NALF1: variants seen among roughly 807,000 people sequenced by gnomAD.
NALF1 encodes family with sequence similarity 155 member A.
In NALF1, 3 loss-of-function variants were observed where a neutral mutation model predicts 48.4. The observed-to-expected ratio is 0.06, with a 90% CI of 0.03 to 0.16. The LOEUF (loss-of-function observed/expected upper bound fraction) is 0.16. Among genes scored for constraint, NALF1 ranks in the 10% least tolerant of loss-of-function variants. NALF1 has a pLI of 1.00. For synonymous variants in NALF1, 262 were observed against 245.7 expected, an observed-to-expected ratio of 1.07 and a Z score of -0.62; for missense variants, 526 against 571.5, an observed-to-expected ratio of 0.92 and a Z score of 0.81.
intron 1 of NALF1, among the ~76,000 whole-genome samples, chr13:107,666,288 TG>T (rs1880856249): frequency 6.6e-6 from 1 of 152,138 alleles, no homozygotes; most frequent in Non-Finnish European, 1.5e-5. Context: ...CCATGATCTT[TG>T]TTCTTATTGG....
At chr13:107,783,068 G>A (rs1428114633) in intron 1 of NALF1, among the ~76,000 whole-genome samples, 1 of 144,620 alleles carries the variant, frequency 6.9e-6, no homozygotes, top group East Asian at 2.1e-4. Context: ...GGAGGTGGGG[G>A]GGTCAGCCCC....
At chr13:107,686,273 T>C (rs1313633650) in intron 1 of NALF1, among the ~76,000 whole-genome samples, 1 of 152,224 alleles carries the variant, frequency 6.6e-6, no homozygotes, top group African/African-American at 2.4e-5. Context: ...AGCGCCCACC[T>C]GGTAGGAAGT....
intron 1 of NALF1, among the ~76,000 whole-genome samples, chr13:107,374,815 C>T (rs1353893666): frequency 6.6e-6 from 1 of 152,114 alleles, no homozygotes; most frequent in African/African-American, 2.4e-5. Flanking sequence ...CTCTCTCTCC[C>T]ATGTTATGCT....
At chr13:107,571,996 TC>T (rs956548004) in intron 1 of NALF1, among the ~76,000 whole-genome samples, 4 of 152,198 alleles carry the variant, frequency 2.6e-5, no homozygotes, top group African/African-American at 9.6e-5. Context: ...CAAAGTATTC[TC>T]AATGCTTCTA....
chr13:107,504,250 CAAAAA>C (rs769667553), intron 1 of NALF1, among the ~76,000 whole-genome samples: 2 of 71,702 alleles, frequency 2.8e-5, no homozygotes, highest in Admixed American at 1.7e-4. Flanking sequence ...GGCCCTATCT[CAAAAA>C]AAAAAAAAAA....
chr13:107,844,093 T>G (rs1220114352), intron 1 of NALF1, among the ~76,000 whole-genome samples: 1 of 152,152 alleles, frequency 6.6e-6, no homozygotes. Context: ...TTACCCAATC[T>G]CTAAAGAAAC....
intron 1 of NALF1, among the ~76,000 whole-genome samples, chr13:107,240,865 T>C (rs1880452155): frequency 6.6e-6 from 1 of 151,904 alleles, no homozygotes; most frequent in Admixed American, 6.6e-5. Flanking sequence ...AGTAAAGGTA[T>C]TTTAAGTACA....
intron 1 of NALF1, among the ~76,000 whole-genome samples, chr13:107,275,675 C>T (rs529285994): frequency 7.9e-5 from 12 of 152,270 alleles, no homozygotes; most frequent in African/African-American, 2.9e-4. Context: ...ATTCAAATGT[C>T]AGATACATAA....
chr13:107,538,320 G>A (rs1048732819), intron 1 of NALF1, among the ~76,000 whole-genome samples: 11 of 151,966 alleles, frequency 7.2e-5, no homozygotes, highest in East Asian at 1.9e-4. Context: ...TTCATGGATC[G>A]GTAATCCTTG....
At chr13:107,560,483 T>C (rs1471442922) in intron 1 of NALF1, among the ~76,000 whole-genome samples, 2 of 152,222 alleles carry the variant, frequency 1.3e-5, no homozygotes, top group African/African-American at 4.8e-5. Context: ...ATATATTTTA[T>C]GGTTTCTTTC....
chr13:107,791,796 C>T (rs1878246742), intron 1 of NALF1, among the ~76,000 whole-genome samples: 1 of 151,034 alleles, frequency 6.6e-6, no homozygotes, highest in African/African-American at 2.4e-5. Flanking sequence ...CCCGTCTCTA[C>T]TAAAAATACA....
intron 1 of NALF1, among the ~76,000 whole-genome samples, chr13:107,645,944 T>C (rs538028333): frequency 6.6e-6 from 1 of 152,284 alleles, no homozygotes; most frequent in Non-Finnish European, 1.5e-5. Context: ...GTTCTGACTC[T>C]TGGTAGCCAC....
At chr13:107,271,814 A>ATATATATATATTTATT (rs1374366280) in intron 1 of NALF1, among the ~76,000 whole-genome samples, 82 of 102,470 alleles carry the variant, frequency 8.0e-4, no homozygotes, top group Middle Eastern at 4.6e-3. Flanking sequence ...ATATATATAT[A>ATATATATATATTTATT]TATTTATATA....
At chr13:107,558,011 C>G (rs1024510756) in intron 1 of NALF1, among the ~76,000 whole-genome samples, 2 of 151,966 alleles carry the variant, frequency 1.3e-5, no homozygotes, top group Non-Finnish European at 2.9e-5. Flanking sequence ...TGTCGGCATT[C>G]AGAGAGACTG....
chr13:107,761,401 C>G (rs1877260659), intron 1 of NALF1, among the ~76,000 whole-genome samples: 1 of 151,582 alleles, frequency 6.6e-6, no homozygotes, highest in Non-Finnish European at 1.5e-5. Flanking sequence ...AAATGGCAAA[C>G]AGCAGGATTG....
At chr13:107,534,927 G>A (rs1033062199) in intron 1 of NALF1, among the ~76,000 whole-genome samples, 1 of 152,108 alleles carries the variant, frequency 6.6e-6, no homozygotes, top group Non-Finnish European at 1.5e-5. Context: ...GGTTGTTGGT[G>A]TATAATTATT....
chr13:107,597,958 C>T (rs1320235910), intron 1 of NALF1, among the ~76,000 whole-genome samples: 1 of 152,134 alleles, frequency 6.6e-6, no homozygotes, highest in East Asian at 1.9e-4. Context: ...ATCATCATGA[C>T]ATTCAAAATT....
At chr13:107,558,141 A>C (rs1877535480) in intron 1 of NALF1, among the ~76,000 whole-genome samples, 1 of 152,078 alleles carries the variant, frequency 6.6e-6, no homozygotes, top group Non-Finnish European at 1.5e-5. Context: ...AAAAAAATTC[A>C]AATGTTGATG....
At chr13:107,729,417 GA>G (rs1213322859) in intron 1 of NALF1, among the ~76,000 whole-genome samples, 1 of 147,946 alleles carries the variant, frequency 6.8e-6, no homozygotes, top group Non-Finnish European at 1.5e-5. Flanking sequence ...GAGTGCCACT[GA>G]AAAAAAAATA....
Sources: allele counts gnomAD v4.1 joint callset (sites outside exome capture counted in the v4.1 genomes callset), GRCh38; gene constraint gnomAD v4.1.1; transcripts MANE v1.5; gene names NCBI Gene and HGNC (gene_info 2026-07-23, HGNC 2026-07-21).